The following ABLIM2 variants were observed in gnomAD, a reference collection of about 807,000 sequenced individuals.
ABLIM2 encodes the protein actin-binding LIM protein 2.
ABLIM2 carries 53 observed loss-of-function variants against 97.7 expected under a neutral mutation model. That is an observed-to-expected ratio of 0.54 (90% CI 0.44 to 0.68). The LOEUF is 0.68. Among genes scored for constraint, ABLIM2 ranks in the 30% least tolerant of loss-of-function variants. The probability of loss-of-function intolerance (pLI) is 0.00; values close to 1 mark genes in which losing one functional copy is unlikely to be tolerated. For missense variants in ABLIM2, 835 were observed against 867.2 expected, an observed-to-expected ratio of 0.96 and a Z score of 0.47; for synonymous variants, 361 against 345.8, an observed-to-expected ratio of 1.04 and a Z score of -0.49.
rs1034082868 is a variant in ABLIM2 at position 8,120,307 on chromosome 4, C to A, written c.11-13670G>T. ...CCGGACCTCGGCAAGTGACTGTGTT[C>A]GGAGACGGGGCCTTCAAAGGTGTCG... On this transcript the variant is annotated intron_variant, in intron 1 of 20. Coordinates refer to ENST00000447017, the MANE Select transcript of ABLIM2 (RefSeq NM_001130083.2). The surrounding 1 kb of genome is among the most constrained non-coding windows in gnomAD (Gnocchi z 5.6). Among the ~76,000 whole-genome samples the A allele has an allele frequency of 1.3e-4, 20 of 152,124 alleles. No homozygotes were observed. The highest frequency in any genetic ancestry group is 2.4e-4 in the Non-Finnish European group (16 of 68,020).
Position 8,069,227 on chromosome 4 carries a change from G to A in ABLIM2, c.676-8173C>T, listed in dbSNP as rs1339527290. On this transcript the variant is annotated intron_variant, in intron 6 of 20. Transcript: ENST00000447017. This position sits in a 1 kb window ranked among gnomAD's most constrained non-coding sequence, Gnocchi z 4.2. ...GTACCCCGGCGTCCCCTCCAGCAGTGGCACTGGCAGACGAGCCGTCCAGTG... is the reference window on the plus strand; with the variant it reads ...GTACCCCGGCGTCCCCTCCAGCAGTAGCACTGGCAGACGAGCCGTCCAGTG... Among the ~76,000 whole-genome samples, 1 of 152,264 alleles carries A rather than the reference G, an allele frequency of 6.6e-6. No individual in the cohort carries two copies. Among genetic ancestry groups the A allele is most frequent in the Non-Finnish European group, 1.5e-5 (1 of 68,052 alleles).
chr4:7,994,768 C>CCA, intron 16 of ABLIM2, among the ~76,000 whole-genome samples: 1 of 113,076 alleles, frequency 8.8e-6, no homozygotes, highest in South Asian at 3.5e-4. Context: ...CTGTTGTTTC[C>CCA]TGACTTCATG....
In ABLIM2 at chr4:8,097,169, T is replaced by C; in HGVS notation, c.268A>G (p.Ile90Val). The C allele has an allele frequency of 3.7e-6, 6 of 1,609,324 alleles. No individual in the cohort carries two copies. Among genetic ancestry groups the C allele is most frequent in the African/African-American group, 1.3e-5 (1 of 74,956 alleles). ...AGCGCCGACACCACCTCACCCTCAA[T>C]GAACTGGTCGCAGCTGAAGCAGCGG... ...GTRCFSCDQFIEGEVVSALGK... is the reference protein window; with the variant it reads ...GTRCFSCDQFVEGEVVSALGK... The change falls in exon 3 of 21, where the codon ATT (isoleucine) becomes GTT (valine). Residue 90 changes from isoleucine (I) to valine (V), a missense_variant. By Grantham distance (29) the Ile-to-Val change is conservative (BLOSUM62 3). Coordinates refer to ENST00000447017, the MANE Select transcript of ABLIM2 (RefSeq NM_001130083.2).
chr4:8,031,527 T>C (rs1441084076), intron 10 of ABLIM2, among the ~76,000 whole-genome samples: 1 of 152,154 alleles, frequency 6.6e-6, no homozygotes, highest in African/African-American at 2.4e-5. Flanking sequence ...GGGCAGGTTG[T>C]CTGGAGCAGG....
At chr4:8,145,803 T>A in intron 1 of ABLIM2, among the ~76,000 whole-genome samples, 1 of 147,890 alleles carries the variant, frequency 6.8e-6, no homozygotes, top group Non-Finnish European at 1.5e-5. Context: ...ATCCCTGTGC[T>A]TGTAACATGT....
chr4:7,983,879 G>A (rs1741124187), intron 18 of ABLIM2, among the ~76,000 whole-genome samples: 1 of 152,248 alleles, frequency 6.6e-6, no homozygotes. Context: ...GCCAGCCTCA[G>A]TTTACCTGCC....
Position 8,140,952 on chromosome 4 carries a change from G to A in ABLIM2, c.10+17728C>T, listed in dbSNP as rs927552324. ...CTTACTCATTAAAATCCACGGTAAA[G>A]CCTGCAGCTGTGGGCTGGTCTCCAA... On this transcript the variant is annotated intron_variant, in intron 1 of 20. Coordinates refer to ENST00000447017, the MANE Select transcript of ABLIM2 (RefSeq NM_001130083.2). This position sits in a 1 kb window ranked among gnomAD's most constrained non-coding sequence, Gnocchi z 5.9. Among the ~76,000 whole-genome samples, 19 of 152,140 alleles carry A rather than the reference G, an allele frequency of 1.2e-4. No homozygotes were observed. Among genetic ancestry groups the A allele is most frequent in the African/African-American group, 3.9e-4 (16 of 41,420 alleles).
At chr4:7,976,688 T>G (rs1179262349) in intron 20 of ABLIM2, among the ~76,000 whole-genome samples, 1 of 150,454 alleles carries the variant, frequency 6.6e-6, no homozygotes, top group African/African-American at 2.5e-5. Context: ...CACATGTGCA[T>G]GCACACACAT....
chr4:8,050,610 A>T (rs911903215), intron 8 of ABLIM2, among the ~76,000 whole-genome samples: 2 of 152,190 alleles, frequency 1.3e-5, no homozygotes, highest in African/African-American at 4.8e-5. Flanking sequence ...AGTGAGGTTG[A>T]TGCTGCCGGG....
chr4:8,090,705 C>CT (rs930692329), intron 3 of ABLIM2, among the ~76,000 whole-genome samples: 6 of 151,322 alleles, frequency 4.0e-5, no homozygotes, highest in South Asian at 2.1e-4. Flanking sequence ...TTAGATTTGT[C>CT]TTTTTTTTTA....
chr4:8,086,568 C>T (rs1823813625), intron 4 of ABLIM2, among the ~76,000 whole-genome samples: 1 of 152,082 alleles, frequency 6.6e-6, no homozygotes, highest in South Asian at 2.1e-4. Context: ...TGGTCTCGGA[C>T]TCCTGGCCTC....
chr4:8,149,502 G>C lies in ABLIM2; in HGVS notation c.10+9178C>G, dbSNP rs1445221589. 6.6e-6 allele frequency among the ~76,000 whole-genome samples: 1 copy of C among 151,968 alleles called. No individual in the cohort carries two copies. Among genetic ancestry groups the C allele is most frequent in the Non-Finnish European group, 1.5e-5 (1 of 68,002 alleles). ...AGCTTGGTCTGTGTCCACAGGTTCA[G>C]AGGAAGGAGGGAAGCAGAGGGCCTA... On this transcript the variant is annotated intron_variant, in intron 1 of 20. Transcript: ENST00000447017. The surrounding 1 kb of genome is among the most constrained non-coding windows in gnomAD (Gnocchi z 6.4).
intron 1 of ABLIM2, among the ~76,000 whole-genome samples, chr4:8,118,261 G>C (rs1014609248): frequency 6.6e-6 from 1 of 152,218 alleles, no homozygotes; most frequent in African/African-American, 2.4e-5. Flanking sequence ...GGAGACGCCA[G>C]AGGACAGTTC....
At chr4:8,117,174 A>T (rs1843135004) in intron 1 of ABLIM2, among the ~76,000 whole-genome samples, 1 of 152,190 alleles carries the variant, frequency 6.6e-6, no homozygotes, top group South Asian at 2.1e-4. Flanking sequence ...CCACTCTTGG[A>T]GGTAGATATT....
At chr4:8,035,786 A>C (rs1470130379) in intron 10 of ABLIM2, among the ~76,000 whole-genome samples, 5 of 152,244 alleles carry the variant, frequency 3.3e-5, no homozygotes. Context: ...AGTCCGCTAC[A>C]GAGGAAATGC....
intron 8 of ABLIM2, among the ~76,000 whole-genome samples, chr4:8,048,933 C>T (rs961017430): frequency 6.6e-6 from 1 of 152,106 alleles, no homozygotes; most frequent in African/African-American, 2.4e-5. Context: ...GGCACAGGGC[C>T]ACCCCCTTCT....
In ABLIM2 at chr4:8,128,682, C is replaced by G. The variant is rs1342948453; in HGVS notation, c.11-22045G>C. Among the ~76,000 whole-genome samples the G allele has an allele frequency of 6.6e-6, 1 of 152,148 alleles. No individual in the cohort carries two copies. The highest frequency in any genetic ancestry group is 1.5e-5 in the Non-Finnish European group (1 of 68,032). On this transcript the variant is annotated intron_variant, in intron 1 of 20. Transcript: ENST00000447017. The surrounding 1 kb of genome is among the most constrained non-coding windows in gnomAD (Gnocchi z 4.9). ...CTGCCGTGGATTGAATGTGGTGTCC[C>G]CTCCCCAGACTCACATGCTGATATC...
chr4:8,107,909 T>C (rs1202134699), intron 1 of ABLIM2, among the ~76,000 whole-genome samples: 1 of 152,050 alleles, frequency 6.6e-6, no homozygotes, highest in South Asian at 2.1e-4. Flanking sequence ...GTCAGGGAGA[T>C]GACACATTGC....
At position 8,002,365 on chromosome 4, in the gene ABLIM2, G is replaced by C. The variant is rs1262120525; in HGVS notation, c.1618+5694C>G. Among the ~76,000 whole-genome samples the C allele has an allele frequency of 6.6e-6, 1 of 152,196 alleles. No homozygotes were observed. Among genetic ancestry groups the C allele is most frequent in the African/African-American group, 2.4e-5 (1 of 41,448 alleles). On this transcript the variant is annotated intron_variant, in intron 16 of 20. Coordinates refer to ENST00000447017, the MANE Select transcript of ABLIM2 (RefSeq NM_001130083.2). This position sits in a 1 kb window ranked among gnomAD's most constrained non-coding sequence, Gnocchi z 6.1. ...GTCACCCCCGCAGCCAGTGGTTCCT[G>C]AGCTGCCACCATGTGGGCCCTGCCA...
Sources: allele counts gnomAD v4.1 joint callset (sites outside exome capture counted in the v4.1 genomes callset), GRCh38; gene constraint gnomAD v4.1.1; non-coding constraint Gnocchi (gnomAD v3.1); transcripts MANE v1.5; gene names NCBI Gene and HGNC (gene_info 2026-07-23, HGNC 2026-07-21).